Variants in FGF12 observed in about 807,000 individuals in gnomAD.
FGF12 encodes the protein fibroblast growth factor 12.
A neutral mutation model predicts 23.6 loss-of-function variants in FGF12; 14 were observed. The ratio of observed to expected loss-of-function variants is 0.59; its 90% CI spans 0.39 to 0.93. FGF12 has a LOEUF of 0.93. Among genes scored for constraint, FGF12 ranks in the 40% least tolerant of loss-of-function variants. The pLI, the probability that FGF12 is intolerant of heterozygous loss-of-function variation, is 0.00. For synonymous variants in FGF12, 62 were observed against 77.3 expected, an observed-to-expected ratio of 0.80 and a Z score of 1.04; for missense variants, 175 against 217.8, an observed-to-expected ratio of 0.80 and a Z score of 1.24.
chr3:192,561,418 A>G (rs865982720), intron 2 of FGF12, among the ~76,000 whole-genome samples: 16 of 151,834 alleles, frequency 1.1e-4, no homozygotes, highest in African/African-American at 2.9e-4. Context: ...GCTGGAGTGC[A>G]GTGGTGCAAT....
At chr3:192,491,256 A>G (rs1461698768) in intron 2 of FGF12, among the ~76,000 whole-genome samples, 1 of 152,112 alleles carries the variant, frequency 6.6e-6, no homozygotes, top group African/African-American at 2.4e-5. Context: ...TCTTCTCCCC[A>G]TAAGACCATG....
intron 2 of FGF12, among the ~76,000 whole-genome samples, chr3:192,664,616 A>AAAAAAAAAAAAAAAAAAC: frequency 6.7e-6 from 1 of 148,606 alleles, no homozygotes; most frequent in African/African-American, 2.5e-5. Context: ...AAAAAAAAAA[A>AAAAAAAAAAAAAAAAAAC]AAAGCTGGGC....
At chr3:192,479,167 C>T (rs1267167848) in intron 2 of FGF12, among the ~76,000 whole-genome samples, 2 of 152,168 alleles carry the variant, frequency 1.3e-5, no homozygotes, top group African/African-American at 4.8e-5. Context: ...GCCTGGGCCT[C>T]CCTCCTTCTC....
chr3:192,236,562 GTA>G (rs1287257889), intron 4 of FGF12, among the ~76,000 whole-genome samples: 1 of 152,102 alleles, frequency 6.6e-6, no homozygotes, highest in African/African-American at 2.4e-5. Flanking sequence ...TACATATTTA[GTA>G]TAGTTTTCAT....
chr3:192,589,960 C>G (rs888638511), intron 2 of FGF12, among the ~76,000 whole-genome samples: 1 of 151,856 alleles, frequency 6.6e-6, no homozygotes, highest in Non-Finnish European at 1.5e-5. Context: ...TATCTTCCTT[C>G]TCTACCAAGA....
chr3:192,148,573 T>C (rs1713855022), intron 5 of FGF12, among the ~76,000 whole-genome samples: 1 of 152,192 alleles, frequency 6.6e-6, no homozygotes, highest in Admixed American at 6.5e-5. Flanking sequence ...CAATGAAACA[T>C]ATACTTAAAA....
intron 2 of FGF12, among the ~76,000 whole-genome samples, chr3:192,400,981 A>G (rs1270922840): frequency 6.6e-6 from 1 of 152,212 alleles, no homozygotes; most frequent in African/African-American, 2.4e-5. Context: ...GAAAGTATTG[A>G]GTACCCCGAA....
intron 3 of FGF12, among the ~76,000 whole-genome samples, chr3:192,337,028 G>C (rs987509620): frequency 2.6e-5 from 4 of 152,062 alleles, no homozygotes; most frequent in Admixed American, 6.6e-5. Context: ...GCTCAATTTA[G>C]ATTTGAACTG....
intron 2 of FGF12, among the ~76,000 whole-genome samples, chr3:192,421,526 T>C (rs1313901561): frequency 6.6e-6 from 1 of 152,022 alleles, no homozygotes; most frequent in East Asian, 1.9e-4. Context: ...TGGAGGGACA[T>C]GGATGAAGCT....
At chr3:192,376,296 C>A (rs1390334951) in intron 2 of FGF12, among the ~76,000 whole-genome samples, 1 of 151,444 alleles carries the variant, frequency 6.6e-6, no homozygotes, top group Non-Finnish European at 1.5e-5. Flanking sequence ...CACACATAAA[C>A]TTTCTTTCTT....
At chr3:192,433,596 G>T (rs573353495) in intron 2 of FGF12, among the ~76,000 whole-genome samples, 1 of 152,250 alleles carries the variant, frequency 6.6e-6, no homozygotes, top group South Asian at 2.1e-4. Context: ...CAGATGATCA[G>T]TCTCACCTCC....
intron 2 of FGF12, among the ~76,000 whole-genome samples, chr3:192,671,575 T>G (rs901633436): frequency 6.6e-6 from 1 of 152,134 alleles, no homozygotes; most frequent in Admixed American, 6.6e-5. Flanking sequence ...TTGGGGCAAG[T>G]CCATAGGCTT....
intron 2 of FGF12, among the ~76,000 whole-genome samples, chr3:192,549,325 A>G (rs1725571950): frequency 6.6e-6 from 1 of 152,152 alleles, no homozygotes; most frequent in Admixed American, 6.6e-5. Flanking sequence ...TTAGTAATTG[A>G]TTGTGTGTGG....
rs1456740330 is a variant in FGF12, at chr3:192,169,198, G to A, written c.427+1260C>T. Among the ~76,000 whole-genome samples the A allele has an allele frequency of 5.9e-5, 9 of 152,006 alleles. 1 individual carries two copies. The highest frequency in any genetic ancestry group is 3.9e-4 in the East Asian group (2 of 5,180). ...TCTACTAAAAATACAAAAATTAGCCGGGTGTGGTGGTGTGTGCCTGTAATC... is the reference window on the plus strand; with the variant it reads ...TCTACTAAAAATACAAAAATTAGCCAGGTGTGGTGGTGTGTGCCTGTAATC... On this transcript the variant is annotated intron_variant, in intron 5 of 5. Transcript: ENST00000445105.
intron 2 of FGF12, among the ~76,000 whole-genome samples, chr3:192,721,163 T>G (rs572025787): frequency 2.0e-5 from 3 of 152,154 alleles, no homozygotes; most frequent in Non-Finnish European, 4.4e-5. Context: ...ACTACAAAAA[T>G]GGCAGAGGAC....
At chr3:192,363,709 G>C (rs1718846795) in intron 2 of FGF12, among the ~76,000 whole-genome samples, 1 of 152,100 alleles carries the variant, frequency 6.6e-6, no homozygotes, top group African/African-American at 2.4e-5. Flanking sequence ...CCTTCTCCAT[G>C]AAGACTCAGC....
At chr3:192,495,501 A>G (rs1252749834) in intron 2 of FGF12, among the ~76,000 whole-genome samples, 1 of 152,212 alleles carries the variant, frequency 6.6e-6, no homozygotes, top group Non-Finnish European at 1.5e-5. Context: ...TATCAATCAT[A>G]AAGTGTTTTA....
intron 2 of FGF12, among the ~76,000 whole-genome samples, chr3:192,479,159 C>T (rs894414309): frequency 1.4e-4 from 21 of 152,124 alleles, no homozygotes; most frequent in African/African-American, 5.1e-4. Flanking sequence ...GGCAATATGC[C>T]TGGGCCTCCC....
intron 2 of FGF12, among the ~76,000 whole-genome samples, chr3:192,635,857 T>A (rs1461638510): frequency 6.6e-6 from 1 of 152,192 alleles, no homozygotes; most frequent in African/African-American, 2.4e-5. Flanking sequence ...ATTGATGGAA[T>A]CATATAATCT....
Sources: gnomAD v4.1 joint callset for allele counts (sites outside exome capture counted in the v4.1 genomes callset) on GRCh38, gnomAD v4.1.1 for gene constraint, MANE v1.5 for transcripts, NCBI Gene and HGNC (gene_info 2026-07-23, HGNC 2026-07-21) for gene names.